The following PXMP2 variants were observed in gnomAD, a reference collection of about 807,000 sequenced individuals.
PXMP2 encodes 22 kDa peroxisomal membrane protein.
A neutral mutation model predicts 20.2 loss-of-function variants in PXMP2; 13 were observed. The observed-to-expected ratio is 0.64, with a 90% CI of 0.42 to 1.02. The LOEUF (loss-of-function observed/expected upper bound fraction) is 1.02. Ranked by LOEUF, PXMP2 falls within the 50% of genes least tolerant of loss-of-function variation. PXMP2 has a pLI of 0.00. For synonymous variants in PXMP2, 113 were observed against 111.2 expected (o/e 1.02, Z -0.10); for missense variants, 284 against 251.8 (o/e 1.13, Z -0.87).
chr12:132,695,910 ACTT>A lies in PXMP2; in HGVS notation c.269_271del (p.Phe90del), dbSNP rs745572613. 125 of 1,607,226 alleles carry A rather than the reference ACTT, an allele frequency of 7.8e-5. No individual in the cohort carries two copies. In the Middle Eastern group the frequency reaches 8.2e-4, roughly 11 times the overall value. On this transcript the variant is annotated inframe_deletion, in exon 3 of 5. Coordinates refer to ENST00000317479, the MANE Select transcript of PXMP2 (RefSeq NM_018663.3). The stretch of plus-strand genomic sequence containing the variant: ...TTCTTCTTCACAGGGCCGCTGAGTC[ACTT>A]CTTCTACTTCTTCATGGAACATTGG...
intron 3 of PXMP2, 45 bp from the exon 4 acceptor site, chr12:132,701,205 G>C: frequency 6.2e-7 from 1 of 1,610,618 alleles, no homozygotes; most frequent in Middle Eastern, 1.7e-4. Flanking sequence ...ATTCAGTTCT[G>C]ATGGGCAGTG....
Position 132,704,819 on chromosome 12 carries a change from T to C in PXMP2, c.*132T>C, listed in dbSNP as rs2043461946. ...GGTGATTCAAGATGCCCAAAAATGA[T>C]GGATAGAGAAACAGAAATCTCTGAA... On this transcript the variant is annotated 3_prime_UTR_variant, in exon 5 of 5. Transcript: ENST00000317479. 1 of 865,212 alleles carries C rather than the reference T, an allele frequency of 1.2e-6. No homozygotes were observed. Among genetic ancestry groups the C allele is most frequent in the Non-Finnish European group, 1.9e-6 (1 of 523,502 alleles). The allele number at this position is 865,212 out of a possible 1,614,324, so 53.6% of individuals were successfully genotyped here.
chr12:132,701,456 CT>C, intron 4 of PXMP2, 87 bp downstream of exon 4: 3 of 1,496,130 alleles, frequency 2.0e-6, no homozygotes, highest in African/African-American at 1.4e-5. Context: ...CCCCCCCTCC[CT>C]CCCCTCTTCT....
chr12:132,698,601 A>G (rs1010918267), intron 3 of PXMP2, among the ~76,000 whole-genome samples: 2 of 152,116 alleles, frequency 1.3e-5, no homozygotes, highest in Non-Finnish European at 2.9e-5. Flanking sequence ...TGTACAGGCA[A>G]TTATCTGCAC....
intron 2 of PXMP2, among the ~76,000 whole-genome samples, chr12:132,694,858 G>A (rs1342840638): frequency 2.1e-5 from 3 of 145,212 alleles, no homozygotes; most frequent in African/African-American, 7.7e-5. Flanking sequence ...CAGTTAGTGA[G>A]CTCCCTTAGC....
In PXMP2 at chr12:132,697,131, A is replaced by G. The variant is rs77464681; in HGVS notation, c.399+1085A>G. Among the ~76,000 whole-genome samples, 643 of 152,146 alleles carry G rather than the reference A, an allele frequency of 4.2e-3. 4 individuals are homozygous for G. The highest frequency in any genetic ancestry group is 0.015 in the African/African-American group (622 of 41,534). ...GGCGAATACCCATCTCTCAAAAAGT[A>G]AAAAATGAGCCAGTGTGGTGATGTG... is the stretch of plus-strand genomic sequence containing the variant. On this transcript the variant is annotated intron_variant, in intron 3 of 4. Coordinates refer to ENST00000317479, the MANE Select transcript of PXMP2 (RefSeq NM_018663.3).
At chr12:132,689,546 T>G (rs2043354951) in intron 1 of PXMP2, among the ~76,000 whole-genome samples, 1 of 152,016 alleles carries the variant, frequency 6.6e-6, no homozygotes, top group African/African-American at 2.4e-5. Flanking sequence ...GCAGGAGATG[T>G]GAAGGGAATC....
chr12:132,697,592 G>A (rs2136065228), intron 3 of PXMP2, among the ~76,000 whole-genome samples: 1 of 152,110 alleles, frequency 6.6e-6, no homozygotes, highest in East Asian at 2.0e-4. Context: ...ATTTTTAGTA[G>A]AGATGGGGTT....
At position 132,704,714 on chromosome 12, in the gene PXMP2, C is replaced by T. The variant is rs1252715482; in HGVS notation, c.*27C>T. On this transcript the variant is annotated 3_prime_UTR_variant, in exon 5 of 5. Transcript: ENST00000317479. The stretch of plus-strand genomic sequence containing the variant: ...GACCGCTGGGAGAACATCAGGTGCA[C>T]TGTGGACGTGGGTCTGGGGGTCTCA... 2 of 1,590,104 alleles carry T rather than the reference C, an allele frequency of 1.3e-6. No homozygotes were observed. The highest frequency in any genetic ancestry group is 1.7e-6 in the Non-Finnish European group (2 of 1,166,452).
chr12:132,701,633 T>C (rs950429963), intron 4 of PXMP2: 3 of 461,840 alleles, frequency 6.5e-6, no homozygotes, highest in African/African-American at 6.2e-5. Context: ...TTGCCTCTTC[T>C]GTTCGTTCAG....
At chr12:132,690,502 C>A in intron 2 of PXMP2, 126 bp downstream of exon 2, 1 of 705,218 alleles carries the variant, frequency 1.4e-6, no homozygotes, top group Non-Finnish European at 2.3e-6. Context: ...TTGTAGTAAT[C>A]ATCATGGGAA....
intron 3 of PXMP2, among the ~76,000 whole-genome samples, chr12:132,699,675 G>A (rs563636754): frequency 1.5e-4 from 23 of 151,746 alleles, no homozygotes; most frequent in African/African-American, 2.7e-4. Flanking sequence ...GATTACAGGC[G>A]TGAGCCACCG....
chr12:132,700,075 T>C (rs2043430815), intron 3 of PXMP2, among the ~76,000 whole-genome samples: 1 of 150,986 alleles, frequency 6.6e-6, no homozygotes, highest in Non-Finnish European at 1.5e-5. Context: ...AGAGTTTCAC[T>C]GTGTCAGCCA....
chr12:132,691,314 C>T (rs922844810), intron 2 of PXMP2, among the ~76,000 whole-genome samples: 1 of 152,102 alleles, frequency 6.6e-6, no homozygotes, highest in Non-Finnish European at 1.5e-5. Context: ...TCCCAAAGTG[C>T]TGGGATTACA....
chr12:132,699,565 C>G (rs1422894921), intron 3 of PXMP2, among the ~76,000 whole-genome samples: 1 of 126,700 alleles, frequency 7.9e-6, no homozygotes, highest in Non-Finnish European at 1.6e-5. Context: ...GAGTCTCGCT[C>G]TTTCATCCAG....
In PXMP2 at chr12:132,696,996, A is replaced by C. The variant is rs1030695676; in HGVS notation, c.399+950A>C. Among the ~76,000 whole-genome samples, 1 of 151,026 alleles carries C rather than the reference A, an allele frequency of 6.6e-6. No homozygotes were observed. Among genetic ancestry groups the C allele is most frequent in the Non-Finnish European group, 1.5e-5 (1 of 67,688 alleles). On this transcript the variant is annotated intron_variant, in intron 3 of 4. Coordinates refer to ENST00000317479, the MANE Select transcript of PXMP2 (RefSeq NM_018663.3). The surrounding 1 kb of genome is among the most constrained non-coding windows in gnomAD (Gnocchi z 4.4). ...CCTCAAAAAAAAAAGAAAAAAGAAA[A>C]AAGAAACAGGGCCGGGCATGATGGT...
chr12:132,701,124 T>C, intron 3 of PXMP2, 126 bp from the exon 4 acceptor site: 2 of 1,321,234 alleles, frequency 1.5e-6, no homozygotes, highest in Non-Finnish European at 1.1e-6. Flanking sequence ...ACATGTGTGC[T>C]GTCTGCGTAC....
Position 132,687,639 on chromosome 12 carries a change from G to A in PXMP2, c.-32G>A. The A allele has an allele frequency of 8.7e-7, 1 of 1,154,996 alleles. No homozygotes were observed. Among genetic ancestry groups the A allele is most frequent in the African/African-American group, 1.6e-5 (1 of 61,808 alleles). The allele number at this position is 1,154,996 out of a possible 1,614,324, so 71.5% of individuals were successfully genotyped here. A position where few individuals can be genotyped will look rare whatever the true frequency, so the allele number is the denominator to read the frequency against. ...CGCCCGGCCAGCCTGAGGTGGGGTC[G>A]GTGCCCCCGGCGGCACGGCGCTGGG... On this transcript the variant is annotated 5_prime_UTR_variant, in exon 1 of 5. Transcript: ENST00000317479.
In PXMP2 at chr12:132,696,169, C is replaced by A. The variant is rs1297448862; in HGVS notation, c.399+123C>A. The A allele has an allele frequency of 1.7e-6, 2 of 1,181,586 alleles. No individual in the cohort carries two copies. The highest frequency in any genetic ancestry group is 1.5e-5 in the African/African-American group (1 of 65,282). The allele number at this position is 1,181,586 out of a possible 1,614,324, so 73.2% of individuals were successfully genotyped here. ...CACTCAAATTGAAATTTTGCATTTTCTTTTATGAATATAGGAAGCAAACAT... is the reference window on the plus strand; with the variant it reads ...CACTCAAATTGAAATTTTGCATTTTATTTTATGAATATAGGAAGCAAACAT... On this transcript the variant is annotated intron_variant, in intron 3 of 4. Coordinates refer to ENST00000317479, the MANE Select transcript of PXMP2 (RefSeq NM_018663.3). The surrounding 1 kb of genome is among the most constrained non-coding windows in gnomAD (Gnocchi z 4.4).
Sources: allele counts gnomAD v4.1 joint callset (sites outside exome capture counted in the v4.1 genomes callset), GRCh38; gene constraint gnomAD v4.1.1; non-coding constraint Gnocchi (gnomAD v3.1); transcripts MANE v1.5; gene names NCBI Gene and HGNC (gene_info 2026-07-23, HGNC 2026-07-21).